Variants in CAMK1D observed in about 807,000 individuals in gnomAD.
The protein encoded by CAMK1D is calcium/calmodulin-dependent protein kinase type 1D.
Under a neutral mutation model 47.7 loss-of-function variants are expected in CAMK1D, and 9 were observed. That is an observed-to-expected ratio of 0.19 (90% confidence interval 0.11 to 0.33). The LOEUF (loss-of-function observed/expected upper bound fraction) is 0.33, where lower values mean the gene tolerates loss of function less well. CAMK1D is among the 10% of genes least tolerant of loss of function. The probability of loss-of-function intolerance (pLI) is 1.00; values close to 1 mark genes in which losing one functional copy is unlikely to be tolerated. For synonymous variants in CAMK1D, 184 were observed against 184.9 expected (o/e 0.99, Z 0.04); for missense variants, 291 against 488.7 (o/e 0.60, Z 3.81).
At chr10:12,721,242 C>G (rs994001828) in intron 3 of CAMK1D, among the ~76,000 whole-genome samples, 1 of 152,210 alleles carries the variant, frequency 6.6e-6, no homozygotes, top group Non-Finnish European at 1.5e-5. Context: ...ATAAGTAATT[C>G]GAGACCAGTC....
intron 2 of CAMK1D, among the ~76,000 whole-genome samples, chr10:12,657,294 G>T (rs186845391): frequency 6.6e-6 from 1 of 151,996 alleles, no homozygotes; most frequent in East Asian, 1.9e-4. Flanking sequence ...GTGTGGTGGC[G>T]CATGCCTGTA....
At chr10:12,588,815 CACAT>C (rs1328653819) in intron 2 of CAMK1D, among the ~76,000 whole-genome samples, 2 of 151,796 alleles carry the variant, frequency 1.3e-5, no homozygotes, top group African/African-American at 2.4e-5. Flanking sequence ...CACACATACA[CACAT>C]GCACATACAT....
intron 2 of CAMK1D, among the ~76,000 whole-genome samples, chr10:12,656,143 A>C (rs1364331191): frequency 6.6e-6 from 1 of 152,226 alleles, no homozygotes; most frequent in African/African-American, 2.4e-5. Context: ...TGTCAGAGAC[A>C]GAACCAGCTC....
intron 3 of CAMK1D, among the ~76,000 whole-genome samples, chr10:12,753,205 T>G (rs1354416344): frequency 6.6e-6 from 1 of 152,206 alleles, no homozygotes; most frequent in Non-Finnish European, 1.5e-5. Flanking sequence ...TGAGCAGAGA[T>G]CGTGCCACTG....
intron 3 of CAMK1D, among the ~76,000 whole-genome samples, chr10:12,728,217 G>A (rs1588855773): frequency 6.6e-6 from 1 of 152,312 alleles, no homozygotes; most frequent in Non-Finnish European, 1.5e-5. Flanking sequence ...CTTAGTAAAT[G>A]TAGCAGCTTT....
chr10:12,383,006 TGG>T (rs1838387049), intron 1 of CAMK1D, among the ~76,000 whole-genome samples: 1 of 151,956 alleles, frequency 6.6e-6, no homozygotes, highest in Non-Finnish European at 1.5e-5. Flanking sequence ...CAGCTAGTAA[TGG>T]ACAGATCTGG....
At chr10:12,722,914 T>C (rs971088773) in intron 3 of CAMK1D, among the ~76,000 whole-genome samples, 3 of 152,128 alleles carry the variant, frequency 2.0e-5, no homozygotes, top group Non-Finnish European at 2.9e-5. Flanking sequence ...ATTGAAAGTG[T>C]TCATTAGTAT....
At chr10:12,587,339 C>T (rs936584388) in intron 2 of CAMK1D, among the ~76,000 whole-genome samples, 3 of 151,998 alleles carry the variant, frequency 2.0e-5, no homozygotes, top group East Asian at 1.9e-4. Context: ...CATCATATCC[C>T]GCATGCAAAA....
At chr10:12,683,766 G>GTA (rs1832543613) in intron 3 of CAMK1D, among the ~76,000 whole-genome samples, 1 of 151,466 alleles carries the variant, frequency 6.6e-6, no homozygotes, top group South Asian at 2.1e-4. Context: ...GTGTGTGTGT[G>GTA]TGTGTGTGTG....
intron 6 of CAMK1D, among the ~76,000 whole-genome samples, chr10:12,801,354 T>TATCTATCTTACC (rs57429397): frequency 1.5e-5 from 1 of 66,564 alleles, no homozygotes; most frequent in East Asian, 5.0e-4. Flanking sequence ...TCTATCTATC[T>TATCTATCTTACC]TATCTATCTA....
intron 2 of CAMK1D, among the ~76,000 whole-genome samples, chr10:12,569,185 A>G (rs1003006080): frequency 6.6e-6 from 1 of 152,198 alleles, no homozygotes; most frequent in African/African-American, 2.4e-5. Flanking sequence ...TCATTCAATT[A>G]GTGTGGACCT....
At chr10:12,827,452 TTTTCTTTCTTTGTCTGTCTG>T (rs1833275371) in intron 10 of CAMK1D, among the ~76,000 whole-genome samples, 6 of 71,812 alleles carry the variant, frequency 8.4e-5, no homozygotes, top group Non-Finnish European at 1.6e-4. Flanking sequence ...TCTTTCTTTC[TTTTCTTTCTTTGTCTGTCTG>T]TCTTTCTTTC....
rs192608283 is a variant in CAMK1D at position 12,716,230 on chromosome 10, C to T, written c.300-44718C>T. Among the ~76,000 whole-genome samples, 156 of 152,210 alleles carry T rather than the reference C, an allele frequency of 1.0e-3. 1 individual carries two copies. The highest frequency in any genetic ancestry group is 3.4e-3 in the Admixed American group (52 of 15,290). On this transcript the variant is annotated intron_variant, in intron 3 of 10. Transcript: ENST00000619168. The stretch of plus-strand genomic sequence containing the variant: ...GCCTTGGCGCTGTTGACATCTGGGG[C>T]TGGAGAATTCTTTGCTGCAGAGGAT...
intron 3 of CAMK1D, among the ~76,000 whole-genome samples, chr10:12,698,673 A>ATT (rs573723767): frequency 9.6e-6 from 1 of 103,900 alleles, no homozygotes; most frequent in Non-Finnish European, 1.9e-5. Flanking sequence ...CCTTTAAAGA[A>ATT]TTTTTTTTTT....
intron 1 of CAMK1D, among the ~76,000 whole-genome samples, chr10:12,522,287 T>C (rs1389719973): frequency 7.2e-6 from 1 of 139,256 alleles, no homozygotes; most frequent in Non-Finnish European, 1.6e-5. Context: ...GGAGGGAAGG[T>C]CAGCAGACAA....
chr10:12,835,490 A>G lies in CAMK1D; in HGVS notation c.*6603A>G, dbSNP rs1433638865. 1 of 152,244 alleles carries G rather than the reference A, an allele frequency of 6.6e-6. No individual in the cohort carries two copies. Among genetic ancestry groups the G allele is most frequent in the Non-Finnish European group, 1.5e-5 (1 of 68,054 alleles). 9.4% of individuals were successfully genotyped at this position (152,244 alleles called of 1,614,324 possible). On this transcript the variant is annotated 3_prime_UTR_variant, in exon 11 of 11. Coordinates refer to ENST00000619168, the MANE Select transcript of CAMK1D (RefSeq NM_153498.4). ...ACATATCAAGATTTCTATCATAATG[A>G]TAATGAGATTGATGACTTCCTGTTT...
intron 5 of CAMK1D, among the ~76,000 whole-genome samples, chr10:12,779,756 C>T (rs1837410936): frequency 6.6e-6 from 1 of 152,016 alleles, no homozygotes; most frequent in South Asian, 2.1e-4. Context: ...GAGCCTTATT[C>T]AGTGACAGTT....
chr10:12,529,645 G>C (rs1011637359), intron 1 of CAMK1D, among the ~76,000 whole-genome samples: 1 of 152,196 alleles, frequency 6.6e-6, no homozygotes, highest in African/African-American at 2.4e-5. Flanking sequence ...TCATAGAGAC[G>C]AGCCACACAG....
intron 3 of CAMK1D, among the ~76,000 whole-genome samples, chr10:12,673,713 A>G (rs1030089701): frequency 1.1e-4 from 17 of 152,212 alleles, no homozygotes; most frequent in African/African-American, 3.9e-4. Flanking sequence ...TGAAAATTCA[A>G]ATTAGCCTCT....
Sources: allele counts gnomAD v4.1 joint callset (sites outside exome capture counted in the v4.1 genomes callset), GRCh38; gene constraint gnomAD v4.1.1; transcripts MANE v1.5; gene names NCBI Gene and HGNC (gene_info 2026-07-23, HGNC 2026-07-21).